Variants in SEM1 observed in about 807,000 individuals in gnomAD.
SEM1 encodes SEM1 26S proteasome subunit, also known as 26S proteasome complex subunit SEM1.
SEM1 carries 3 observed loss-of-function variants against 12.7 expected under a neutral mutation model. The observed-to-expected ratio is 0.24, with a 90% CI of 0.11 to 0.61. The LOEUF (loss-of-function observed/expected upper bound fraction) is 0.61. Among genes scored for constraint, SEM1 ranks in the 20% least tolerant of loss-of-function variants. The pLI is 0.88. For missense variants in SEM1, 59 were observed against 81.3 expected (o/e 0.73, Z 1.06); for synonymous variants, 30 against 27.8 (o/e 1.08, Z -0.25).
intron 1 of SEM1, among the ~76,000 whole-genome samples, chr7:96,705,680 C>T (rs1488483754): frequency 6.6e-6 from 1 of 151,852 alleles, no homozygotes; most frequent in Non-Finnish European, 1.5e-5. Flanking sequence ...ATTAGCCGGG[C>T]GTGGTGACGG....
At chr7:96,595,829 G>A (rs928841951) in intron 2 of SEM1, among the ~76,000 whole-genome samples, 2 of 152,116 alleles carry the variant, frequency 1.3e-5, no homozygotes, top group Non-Finnish European at 2.9e-5. Context: ...ATCATAACCT[G>A]AAGTGAACGC....
intron 2 of SEM1, among the ~76,000 whole-genome samples, chr7:96,692,825 G>A (rs1207644339): frequency 6.6e-6 from 1 of 151,982 alleles, no homozygotes; most frequent in Non-Finnish European, 1.5e-5. Context: ...ACATAATTAA[G>A]ACAAAATTGA....
At chr7:96,648,235 T>C (rs999200295) in intron 2 of SEM1, among the ~76,000 whole-genome samples, 1 of 152,178 alleles carries the variant, frequency 6.6e-6, no homozygotes, top group Non-Finnish European at 1.5e-5. Flanking sequence ...TCAACTATCA[T>C]AGAAGGAGTA....
intron 2 of SEM1, among the ~76,000 whole-genome samples, chr7:96,693,877 C>T (rs1431543897): frequency 6.6e-6 from 1 of 151,240 alleles, no homozygotes; most frequent in Non-Finnish European, 1.5e-5. Flanking sequence ...GCAGCACTAT[C>T]CACAATAGCT....
At chr7:96,660,512 A>T (rs1788963977) in intron 2 of SEM1, among the ~76,000 whole-genome samples, 2 of 152,194 alleles carry the variant, frequency 1.3e-5, no homozygotes, top group South Asian at 4.1e-4. Context: ...CAATCCCAGT[A>T]AAAAGCAAAA....
chr7:96,530,617 C>T (rs1804609953), intron 2 of SEM1, among the ~76,000 whole-genome samples: 1 of 152,078 alleles, frequency 6.6e-6, no homozygotes, highest in South Asian at 2.1e-4. Flanking sequence ...TAAACTGTCC[C>T]AGTGATGCCT....
At chr7:96,643,369 C>G (rs188536414) in intron 2 of SEM1, among the ~76,000 whole-genome samples, 8 of 151,970 alleles carry the variant, frequency 5.3e-5, no homozygotes, top group Non-Finnish European at 1.0e-4. Flanking sequence ...TTTTATTATA[C>G]TTTAAGTTCT....
chr7:96,513,835 A>G (rs929017968), intron 2 of SEM1, among the ~76,000 whole-genome samples: 1 of 152,086 alleles, frequency 6.6e-6, no homozygotes, highest in African/African-American at 2.4e-5. Flanking sequence ...TCTCAAAAAT[A>G]AAAAAATTCG....
At chr7:96,497,107 T>C (rs1563030014), upstream of SEM1, among the ~76,000 whole-genome samples, 1 of 152,146 alleles carries the variant, frequency 6.6e-6, no homozygotes, top group Non-Finnish European at 1.5e-5. Flanking sequence ...AGTATGATTC[T>C]GCATAATAAA....
At chr7:96,644,613 G>A (rs763489940) in intron 2 of SEM1, among the ~76,000 whole-genome samples, 36 of 152,080 alleles carry the variant, frequency 2.4e-4, no homozygotes, top group Non-Finnish European at 4.7e-4. Context: ...AGGATTTTCT[G>A]CAAAGCTTTA....
At chr7:96,522,248 G>A (rs532959554) in intron 2 of SEM1, among the ~76,000 whole-genome samples, 58 of 152,164 alleles carry the variant, frequency 3.8e-4, no homozygotes, top group African/African-American at 1.2e-3. Context: ...TTATATTTGC[G>A]TAACTGATCC....
In SEM1 at chr7:96,660,833, C is replaced by T. The variant is rs576839711; in HGVS notation, c.170+33965G>A. Among the ~76,000 whole-genome samples the T allele has an allele frequency of 3.3e-5, 5 of 151,864 alleles. No individual in the cohort carries two copies. The South Asian group carries it at 8.3e-4, about 25-fold the overall frequency. ...AAATGCAGCAATTCTCAAGAAATTT[C>T]GAACAAATGGAATCTGACCACAACA... is the stretch of plus-strand genomic sequence containing the variant. On this transcript the variant is annotated intron_variant, in intron 2 of 2. Transcript: ENST00000417009.
intron 1 of SEM1, among the ~76,000 whole-genome samples, chr7:96,701,463 T>C (rs1223846749): frequency 6.6e-6 from 1 of 151,742 alleles, no homozygotes; most frequent in East Asian, 1.9e-4. Flanking sequence ...CACCAAGAAC[T>C]GTATCGACCT....
intron 2 of SEM1, among the ~76,000 whole-genome samples, chr7:96,572,815 G>T (rs1467367775): frequency 6.6e-6 from 1 of 152,166 alleles, no homozygotes; most frequent in East Asian, 1.9e-4. Flanking sequence ...GTCCAGAGTT[G>T]AGTTCAAGTC....
intron 1 of SEM1, among the ~76,000 whole-genome samples, chr7:96,703,088 G>A (rs1263741523): frequency 1.3e-5 from 2 of 152,180 alleles, no homozygotes; most frequent in Non-Finnish European, 2.9e-5. Flanking sequence ...CATACAGGTT[G>A]AGTATCCCTT....
chr7:96,679,357 C>T (rs1050005593), intron 2 of SEM1, among the ~76,000 whole-genome samples: 4 of 152,042 alleles, frequency 2.6e-5, no homozygotes, highest in African/African-American at 9.7e-5. Flanking sequence ...GATTTCTATA[C>T]ATAAAATACC....
chr7:96,692,989 GTATAACA>G (rs1789973992), intron 2 of SEM1, among the ~76,000 whole-genome samples: 1 of 151,824 alleles, frequency 6.6e-6, no homozygotes, highest in African/African-American at 2.4e-5. Context: ...AGAAGTATCA[GTATAACA>G]GTGAAAGGTA....
chr7:96,601,657 C>G (rs1342697125), intron 2 of SEM1, among the ~76,000 whole-genome samples: 1 of 151,882 alleles, frequency 6.6e-6, no homozygotes, highest in Non-Finnish European at 1.5e-5. Flanking sequence ...TTTCTAAGGG[C>G]CAACTTTTAC....
chr7:96,551,032 A>C (rs1192382880), intron 2 of SEM1, among the ~76,000 whole-genome samples: 2 of 152,184 alleles, frequency 1.3e-5, no homozygotes, highest in Non-Finnish European at 2.9e-5. Flanking sequence ...CCAAGAAGAG[A>C]TAGACATGCA....
Sources: gnomAD v4.1 joint callset for allele counts (sites outside exome capture counted in the v4.1 genomes callset) on GRCh38, gnomAD v4.1.1 for gene constraint, MANE v1.5 for transcripts, NCBI Gene and HGNC (gene_info 2026-07-23, HGNC 2026-07-21) for gene names.